THSD4: variants seen among roughly 807,000 people sequenced by gnomAD.
THSD4 encodes the protein thrombospondin type 1 domain containing 4.
A neutral mutation model predicts 119.0 loss-of-function variants in THSD4; 69 were observed. The observed-to-expected ratio is 0.58, with a 90% CI of 0.48 to 0.71. THSD4 has a LOEUF of 0.71. Among genes scored for constraint, THSD4 ranks in the 30% least tolerant of loss-of-function variants. The probability of loss-of-function intolerance (pLI) is 0.00; values close to 1 mark genes in which losing one functional copy is unlikely to be tolerated. For missense variants in THSD4, 1,393 were observed against 1,391.1 expected (o/e 1.00, Z -0.02); for synonymous variants, 524 against 540.4 (o/e 0.97, Z 0.42).
intron 6 of THSD4, among the ~76,000 whole-genome samples, chr15:71,332,989 T>A (rs1182913347): frequency 6.8e-6 from 1 of 147,732 alleles, no homozygotes; most frequent in Non-Finnish European, 1.5e-5. Context: ...CCAGGGAAGA[T>A]CGGACACCTC....
chr15:71,611,856 A>T (rs1220680494), intron 7 of THSD4, among the ~76,000 whole-genome samples: 1 of 141,764 alleles, frequency 7.1e-6, no homozygotes, highest in Non-Finnish European at 1.5e-5. Flanking sequence ...AAATGCCTGG[A>T]TCCCTGGGGT....
chr15:71,341,521 G>A (rs778666194), intron 6 of THSD4: 40 of 1,611,552 alleles, frequency 2.5e-5, no homozygotes, highest in Admixed American at 5.0e-5. Flanking sequence ...CAACTCCACC[G>A]TTGTAATGTC....
At chr15:71,736,000 C>A (rs1235842270) in intron 10 of THSD4, among the ~76,000 whole-genome samples, 3 of 149,226 alleles carry the variant, frequency 2.0e-5, no homozygotes, top group Non-Finnish European at 4.4e-5. Context: ...CCCTCTCTGT[C>A]TCTCTTGCTC....
intron 6 of THSD4, among the ~76,000 whole-genome samples, chr15:71,297,176 G>C (rs1163994037): frequency 1.3e-5 from 2 of 151,726 alleles, no homozygotes; most frequent in Admixed American, 1.3e-4. Context: ...GGTGTGAAGT[G>C]GTATTCATTG....
At chr15:71,378,862 C>G (rs2046186980) in intron 6 of THSD4, among the ~76,000 whole-genome samples, 1 of 152,192 alleles carries the variant, frequency 6.6e-6, no homozygotes, top group South Asian at 2.1e-4. Context: ...TGGCTCACTG[C>G]AGCCTGGAAC....
At chr15:71,267,786 GC>G (rs2140300421) in intron 6 of THSD4, among the ~76,000 whole-genome samples, 1 of 152,022 alleles carries the variant, frequency 6.6e-6, no homozygotes, top group African/African-American at 2.4e-5. Flanking sequence ...CAAATGGAAA[GC>G]AAAAAAGGCA....
intron 16 of THSD4, among the ~76,000 whole-genome samples, chr15:71,765,415 C>T (rs1369634691): frequency 6.6e-6 from 1 of 152,186 alleles, no homozygotes; most frequent in African/African-American, 2.4e-5. Flanking sequence ...ACTGTAGAAA[C>T]AGTGACTCTC....
intron 6 of THSD4, among the ~76,000 whole-genome samples, chr15:71,378,770 T>G (rs1283901953): frequency 6.6e-6 from 1 of 152,150 alleles, no homozygotes; most frequent in Non-Finnish European, 1.5e-5. Context: ...GAAGGTAATG[T>G]TGTTGTCATT....
chr15:71,594,578 G>T (rs932002271), intron 7 of THSD4, among the ~76,000 whole-genome samples: 1 of 152,096 alleles, frequency 6.6e-6, no homozygotes, highest in African/African-American at 2.4e-5. Context: ...AATCAAAGAG[G>T]CTCCCCACAT....
At chr15:71,365,076 C>G (rs571009419) in intron 6 of THSD4, among the ~76,000 whole-genome samples, 1 of 150,868 alleles carries the variant, frequency 6.6e-6, no homozygotes, top group South Asian at 2.1e-4. Flanking sequence ...TTTATCAGAC[C>G]CTTGGAAATG....
chr15:71,636,317 G>C (rs1334584317), intron 7 of THSD4, among the ~76,000 whole-genome samples: 1 of 152,092 alleles, frequency 6.6e-6, no homozygotes, highest in Non-Finnish European at 1.5e-5. Flanking sequence ...CAGCAACTCG[G>C]GAGGCTGAGG....
chr15:71,494,654 A>G (rs180869652), intron 7 of THSD4, among the ~76,000 whole-genome samples: 1 of 152,186 alleles, frequency 6.6e-6, no homozygotes, highest in East Asian at 1.9e-4. Context: ...GATCAGGAAG[A>G]AGGGTGGCTT....
intron 6 of THSD4, among the ~76,000 whole-genome samples, chr15:71,370,958 T>G (rs1427660253): frequency 6.6e-6 from 1 of 152,254 alleles, no homozygotes; most frequent in African/African-American, 2.4e-5. Context: ...TGAATCTGGT[T>G]GCTCCTGTAT....
intron 7 of THSD4, among the ~76,000 whole-genome samples, chr15:71,592,731 C>G (rs1450327079): frequency 6.6e-6 from 1 of 152,006 alleles, no homozygotes; most frequent in Non-Finnish European, 1.5e-5. Flanking sequence ...TAGCCTGCCT[C>G]TAGGTTGAGA....
chr15:71,780,562 G>A lies in THSD4; in HGVS notation c.*3188G>A. The A allele has an allele frequency of 5.8e-6, 2 of 344,204 alleles. No individual in the cohort carries two copies. The highest frequency in any genetic ancestry group is 2.2e-5 in the South Asian group (1 of 44,720). 21.3% of individuals were successfully genotyped at this position (344,204 alleles called of 1,614,324 possible). ...AAAAGAAAAAAAAAAGCCATTTAAA[G>A]CCAGCCACTAGAGGGAGTCAGTTCA... On this transcript the variant is annotated 3_prime_UTR_variant, in exon 18 of 18. Transcript: ENST00000261862.
At chr15:71,581,616 C>CT (rs1436284346) in intron 7 of THSD4, among the ~76,000 whole-genome samples, 1 of 145,862 alleles carries the variant, frequency 6.9e-6, no homozygotes, top group Non-Finnish European at 1.5e-5. Flanking sequence ...TGTCAAAAAA[C>CT]TTTTTTCCTC....
chr15:71,768,368 G>A (rs971271742), intron 16 of THSD4, among the ~76,000 whole-genome samples: 2 of 152,014 alleles, frequency 1.3e-5, no homozygotes, highest in African/African-American at 2.4e-5. Flanking sequence ...GAATTACACC[G>A]TGGGAGCACA....
At chr15:71,768,172 A>G (rs970962188) in intron 16 of THSD4, among the ~76,000 whole-genome samples, 1 of 152,080 alleles carries the variant, frequency 6.6e-6, no homozygotes, top group Non-Finnish European at 1.5e-5. Context: ...TAGAATTAGA[A>G]TTCTAAACTC....
chr15:71,588,197 T>C (rs2049721739), intron 7 of THSD4, among the ~76,000 whole-genome samples: 1 of 150,642 alleles, frequency 6.6e-6, no homozygotes. Flanking sequence ...TCCCAGCTAC[T>C]CGGGAGGCTG....
Sources: gnomAD v4.1 joint callset for allele counts (sites outside exome capture counted in the v4.1 genomes callset) on GRCh38, gnomAD v4.1.1 for gene constraint, MANE v1.5 for transcripts, NCBI Gene and HGNC (gene_info 2026-07-23, HGNC 2026-07-21) for gene names.